CLCA2: variants seen among roughly 807,000 people sequenced by gnomAD.
The protein encoded by CLCA2 is chloride channel accessory 2.
In CLCA2, 85 loss-of-function variants were observed where a neutral mutation model predicts 82.9. The observed-to-expected ratio is 1.03, with a 90% CI of 0.86 to 1.23. The LOEUF is 1.23. Ranked by LOEUF, CLCA2 falls within the 50% of genes most tolerant of loss-of-function variation. The probability of loss-of-function intolerance (pLI) is 0.00; values close to 1 mark genes in which losing one functional copy is unlikely to be tolerated. For missense variants in CLCA2, 1,089 were observed against 1,124.8 expected (o/e 0.97, Z 0.45); for synonymous variants, 421 against 391.7 (o/e 1.07, Z -0.88).
intron 3 of CLCA2, among the ~76,000 whole-genome samples, chr1:86,428,902 G>A (rs963868885): frequency 2.0e-5 from 3 of 152,124 alleles, no homozygotes; most frequent in Non-Finnish European, 2.9e-5. Flanking sequence ...GAAAATAGTG[G>A]GAAGACTATG....
intron 13 of CLCA2, 38 bp downstream of exon 13, chr1:86,453,640 A>C: frequency 6.4e-7 from 1 of 1,554,704 alleles, no homozygotes; most frequent in Non-Finnish European, 8.8e-7. Context: ...TTTCCATAAG[A>C]CAGCATTTCT....
chr1:86,444,768 C>G (rs932995273), intron 10 of CLCA2, among the ~76,000 whole-genome samples: 9 of 152,102 alleles, frequency 5.9e-5, no homozygotes, highest in African/African-American at 2.2e-4. Context: ...GGCTTGAATC[C>G]TGAAAGTGAA....
At chr1:86,432,633 T>C in intron 5 of CLCA2, 105 bp downstream of exon 5, 1 of 1,308,954 alleles carries the variant, frequency 7.6e-7, no homozygotes, top group Non-Finnish European at 1.0e-6. Flanking sequence ...CTTTAGAACT[T>C]GGGGGACCCT....
At chr1:86,435,148 G>C (rs1215081102) in intron 6 of CLCA2, among the ~76,000 whole-genome samples, 1 of 152,126 alleles carries the variant, frequency 6.6e-6, no homozygotes, top group Admixed American at 6.6e-5. Flanking sequence ...AGTTGGAGGA[G>C]GCAAAAGGTT....
At chr1:86,440,887 C>G (rs1044878267) in intron 8 of CLCA2, among the ~76,000 whole-genome samples, 1 of 152,006 alleles carries the variant, frequency 6.6e-6, no homozygotes, top group African/African-American at 2.4e-5. Context: ...GGTGACAGAA[C>G]GAGACCCCAT....
At chr1:86,435,403 G>T (rs1477157215) in intron 6 of CLCA2, among the ~76,000 whole-genome samples, 3 of 152,172 alleles carry the variant, frequency 2.0e-5, no homozygotes, top group Admixed American at 1.3e-4. Context: ...AAATATCCCT[G>T]GTTGAGGAAG....
chr1:86,432,580 T>C (rs1010250833), intron 5 of CLCA2, 52 bp downstream of exon 5: 7 of 1,563,298 alleles, frequency 4.5e-6, no homozygotes, highest in Admixed American at 1.9e-5. Flanking sequence ...TCTCTTCCCA[T>C]GTTTCAAGTA....
At chr1:86,425,184 C>T (rs1404746813) in intron 1 of CLCA2, among the ~76,000 whole-genome samples, 155 bp from the exon 2 acceptor site, 1 of 152,114 alleles carries the variant, frequency 6.6e-6, no homozygotes, top group African/African-American at 2.4e-5. Context: ...TAAAAATTTG[C>T]TCCTATGTTT....
At chr1:86,447,978 C>T (rs1172864419) in intron 11 of CLCA2, among the ~76,000 whole-genome samples, 200 bp downstream of exon 11, 4 of 152,096 alleles carry the variant, frequency 2.6e-5, no homozygotes, top group Non-Finnish European at 5.9e-5. Flanking sequence ...CCTTGTGAGA[C>T]TCCTCATAGT....
At chr1:86,433,945 T>G (rs1662549085) in intron 5 of CLCA2, among the ~76,000 whole-genome samples, 1 of 152,188 alleles carries the variant, frequency 6.6e-6, no homozygotes, top group Non-Finnish European at 1.5e-5. Context: ...TTCAGTATCA[T>G]TTAGTGAATT....
chr1:86,438,093 T>A (rs768636485), intron 6 of CLCA2, among the ~76,000 whole-genome samples: 2 of 152,112 alleles, frequency 1.3e-5, no homozygotes, highest in Non-Finnish European at 2.9e-5. Context: ...GAAACCTGTG[T>A]CCTAAGAAGT....
intron 6 of CLCA2, among the ~76,000 whole-genome samples, chr1:86,435,112 T>A (rs1662582045): frequency 1.3e-5 from 2 of 152,126 alleles, no homozygotes; most frequent in African/African-American, 4.8e-5. Flanking sequence ...TTTTAATTAT[T>A]TTTATTTTCA....
rs1662564711 is a variant in CLCA2, at chr1:86,434,630, A to G, written c.857A>G (p.His286Arg). The G allele has an allele frequency of 1.9e-6, 3 of 1,613,944 alleles. No individual in the cohort carries two copies. The highest frequency in any genetic ancestry group is 1.3e-5 in the African/African-American group (1 of 74,882). ...GTAATCACAGACTCTGCTGACTTTC[A>G]CCACAGCTTTCCCATGAATGGGACT... ...WDVITDSADF[H>R]HSFPMNGTEL... Residue 286 changes from histidine (H) to arginine (R), a missense_variant, in exon 6 of 14, where the codon CAC becomes CGC. His to Arg is a conservative substitution (Grantham distance 29). Coordinates refer to ENST00000370565, the MANE Select transcript of CLCA2 (RefSeq NM_006536.7).
intron 2 of CLCA2, 47 bp from the exon 3 acceptor site, chr1:86,428,371 C>T: frequency 6.5e-7 from 1 of 1,529,314 alleles, no homozygotes; most frequent in Non-Finnish European, 8.8e-7. Flanking sequence ...TTTATGTCAC[C>T]AACAACAGAG....
rs751831701 is a variant in CLCA2, at chr1:86,434,610, C to T, written c.837C>T (p.Ile279=). 97 of 1,613,994 alleles carry T rather than the reference C, an allele frequency of 6.0e-5. No homozygotes were observed. Among genetic ancestry groups the T allele is most frequent in the Non-Finnish European group, 8.0e-5 (94 of 1,180,004 alleles). Residue 279 remains isoleucine, a synonymous_variant, in exon 6 of 14, where the codon ATC becomes ATT. Transcript: ENST00000370565. ...GCCTCAGAAGTGCATGGGATGTAAT[C>T]ACAGACTCTGCTGACTTTCACCACA... is the stretch of plus-strand genomic sequence containing the variant. ...MCSLRSAWDV[I]TDSADFHHSF...
intron 1 of CLCA2, among the ~76,000 whole-genome samples, chr1:86,424,763 T>G (rs1662357146): frequency 1.3e-5 from 2 of 152,210 alleles, no homozygotes; most frequent in Non-Finnish European, 2.9e-5. Context: ...AGATTGAATA[T>G]TTAACTGATG....
intron 9 of CLCA2, among the ~76,000 whole-genome samples, chr1:86,442,964 C>T (rs1169200289): frequency 6.6e-6 from 1 of 151,954 alleles, no homozygotes; most frequent in African/African-American, 2.4e-5. Context: ...GCCAGGCATA[C>T]GTTTGTACTC....
At chr1:86,452,584 T>C (rs1346942224) in intron 12 of CLCA2, among the ~76,000 whole-genome samples, 2 of 152,166 alleles carry the variant, frequency 1.3e-5, no homozygotes, top group African/African-American at 2.4e-5. Context: ...CTTTTCTAAC[T>C]TGAAACCTCT....
At chr1:86,440,661 G>A (rs1334805654) in intron 8 of CLCA2, among the ~76,000 whole-genome samples, 1 of 152,200 alleles carries the variant, frequency 6.6e-6, no homozygotes, top group Non-Finnish European at 1.5e-5. Context: ...AGCACATTGG[G>A]AGGCTGAGGT....
Sources: allele counts gnomAD v4.1 joint callset (sites outside exome capture counted in the v4.1 genomes callset), GRCh38; gene constraint gnomAD v4.1.1; transcripts MANE v1.5; gene names NCBI Gene and HGNC (gene_info 2026-07-23, HGNC 2026-07-21).